BRAF: variants seen among roughly 807,000 people sequenced by gnomAD.
BRAF encodes the protein B-Raf proto-oncogene, serine/threonine kinase.
Under a neutral mutation model 104.6 loss-of-function variants are expected in BRAF, and 16 were observed. That is an observed-to-expected ratio of 0.15 (90% CI 0.10 to 0.23). The LOEUF (loss-of-function observed/expected upper bound fraction) is 0.23. Among genes scored for constraint, BRAF ranks in the 10% least tolerant of loss-of-function variants. The pLI, the probability that BRAF is intolerant of heterozygous loss-of-function variation, is 1.00. For synonymous variants in BRAF, 310 were observed against 341.6 expected (o/e 0.91, Z 1.02); for missense variants, 541 against 937.3 (o/e 0.58, Z 5.52).
chr7:140,800,562 A>T, intron 6 of BRAF, 81 bp from the exon 7 acceptor site: 2 of 1,600,382 alleles, frequency 1.2e-6, no homozygotes, highest in Non-Finnish European at 8.6e-7. Context: ...AACCAAAAAA[A>T]CTGAGATCAA....
intron 1 of BRAF, among the ~76,000 whole-genome samples, chr7:140,908,989 CTTTTTTTTT>C (rs1224922004): frequency 8.3e-6 from 1 of 120,186 alleles, no homozygotes; most frequent in Non-Finnish European, 1.8e-5. Flanking sequence ...TCTACGTTTT[CTTTTTTTTT>C]TTTTTTTTTT....
In BRAF at chr7:140,739,929, T is replaced by A. The variant is rs201793951; in HGVS notation, c.2130A>T (p.Gly710=). Residue 710 remains glycine (G), a synonymous_variant, in exon 18 of 20, where the codon GGA becomes GGT. Transcript: ENST00000644969. ...NNRDQIIFMV[G]RGYLSPDLSK... is the part of the protein sequence containing the mutation. ...TGAGATCTGGAGACAGGTATCCTCG[T>A]CCCACCATAAAAATTATCTGGAGAG... 5 of 1,613,688 alleles carry A rather than the reference T, an allele frequency of 3.1e-6. No individual in the cohort carries two copies. Among genetic ancestry groups the A allele is most frequent in the Non-Finnish European group, 4.2e-6 (5 of 1,179,852 alleles).
chr7:140,909,459 T>C (rs1202830808), intron 1 of BRAF, among the ~76,000 whole-genome samples: 2 of 152,136 alleles, frequency 1.3e-5, no homozygotes, highest in Non-Finnish European at 2.9e-5. Flanking sequence ...AGAGATAATC[T>C]ACCTTAGTGC....
intron 1 of BRAF, among the ~76,000 whole-genome samples, chr7:140,913,777 C>T (rs1174754970): frequency 6.6e-6 from 1 of 151,976 alleles, no homozygotes; most frequent in Admixed American, 6.6e-5. Context: ...CCACTGCGCC[C>T]GGCCAACCAC....
chr7:140,778,371 T>C (rs1800530607), intron 12 of BRAF, among the ~76,000 whole-genome samples: 1 of 152,174 alleles, frequency 6.6e-6, no homozygotes, highest in Admixed American at 6.5e-5. Flanking sequence ...TCCAAATTAT[T>C]TGACAATATT....
intron 1 of BRAF, among the ~76,000 whole-genome samples, chr7:140,909,023 GAATTTT>G (rs1816665584): frequency 7.6e-6 from 1 of 132,420 alleles, no homozygotes; most frequent in Non-Finnish European, 1.6e-5. Context: ...CTGTTTCCAA[GAATTTT>G]AATTGTTTTC....
At chr7:140,785,848 G>T in intron 9 of BRAF, 1 of 398,774 alleles carries the variant, frequency 2.5e-6, no homozygotes, top group South Asian at 1.3e-4. Context: ...AACACAGGAA[G>T]ACAGACACAC....
intron 17 of BRAF, among the ~76,000 whole-genome samples, chr7:140,747,824 T>C (rs1797476144): frequency 6.6e-6 from 1 of 152,178 alleles, no homozygotes; most frequent in Non-Finnish European, 1.5e-5. Context: ...ATTTCAGTGA[T>C]CTAGATCTAT....
intron 14 of BRAF, among the ~76,000 whole-genome samples, chr7:140,757,079 C>T (rs1439865146): frequency 6.6e-6 from 1 of 152,168 alleles, no homozygotes; most frequent in African/African-American, 2.4e-5. Flanking sequence ...ATTGTTATGG[C>T]AGCCAAAGTC....
intron 8 of BRAF, 109 bp downstream of exon 8, chr7:140,794,199 T>C: frequency 7.6e-7 from 1 of 1,313,634 alleles, no homozygotes; most frequent in Non-Finnish European, 1.1e-6. Context: ...TTAAAATAAC[T>C]GTGATAAATG....
intron 3 of BRAF, among the ~76,000 whole-genome samples, chr7:140,814,669 A>C (rs1804629141): frequency 1.4e-5 from 2 of 147,918 alleles, no homozygotes; most frequent in Non-Finnish European, 1.5e-5. Flanking sequence ...CATCTCAAAA[A>C]ATATATATAT....
rs141754114 is a variant in BRAF at position 140,777,173 on chromosome 7, T to C, written c.1638-85A>G. Reference sequence around the variant, plus strand: ...AAAGAGAACCAAAGTAGTCTGTCGGTAAAATGTTGTCAGAAAAAGCTTTTT... The same window carrying C: ...AAAGAGAACCAAAGTAGTCTGTCGGCAAAATGTTGTCAGAAAAAGCTTTTT... On this transcript the variant is annotated intron_variant, in intron 13 of 19. Coordinates refer to ENST00000644969, the MANE Select transcript of BRAF (RefSeq NM_001374258.1). The C allele has an allele frequency of 1.8e-5, 25 of 1,422,312 alleles. No homozygotes were observed. In the East Asian group the frequency reaches 5.8e-4, roughly 33 times the overall value. The allele number at this position is 1,422,312 out of a possible 1,614,324, so 88.1% of individuals were successfully genotyped here. A position where few individuals can be genotyped will look rare whatever the true frequency, so the allele number is the denominator to read the frequency against.
intron 14 of BRAF, among the ~76,000 whole-genome samples, chr7:140,769,959 T>C (rs924167521): frequency 6.6e-6 from 1 of 152,224 alleles, no homozygotes; most frequent in Non-Finnish European, 1.5e-5. Flanking sequence ...TTCTTGGGGT[T>C]AGAATAAGCA....
chr7:140,765,459 TA>T (rs1427737625), intron 14 of BRAF, among the ~76,000 whole-genome samples: 1 of 152,102 alleles, frequency 6.6e-6, no homozygotes, highest in African/African-American at 2.4e-5. Flanking sequence ...GGGATCTAAC[TA>T]AACTAAAGAG....
chr7:140,813,408 A>C (rs1464657295), intron 3 of BRAF, among the ~76,000 whole-genome samples: 1 of 152,240 alleles, frequency 6.6e-6, no homozygotes, highest in Non-Finnish European at 1.5e-5. Context: ...GTATGAAGCT[A>C]TAAACAGACA....
At chr7:140,759,424 T>A (rs1042066565) in intron 14 of BRAF, among the ~76,000 whole-genome samples, 6 of 152,222 alleles carry the variant, frequency 3.9e-5, no homozygotes, top group Non-Finnish European at 8.8e-5. Context: ...TTTGCCCTTG[T>A]CACCCAGGCT....
chr7:140,753,152 G>A (rs976668207), intron 16 of BRAF, 123 bp downstream of exon 15: 1 of 743,436 alleles, frequency 1.3e-6, no homozygotes, highest in Non-Finnish European at 2.3e-6. Flanking sequence ...TAAGAACACT[G>A]ATTTTTGTGA....
chr7:140,921,593 A>C (rs1818228226), intron 1 of BRAF, among the ~76,000 whole-genome samples: 1 of 152,154 alleles, frequency 6.6e-6, no homozygotes, highest in Non-Finnish European at 1.5e-5. Context: ...GTTTTTTAAA[A>C]TACAAAACTA....
At chr7:140,730,788 C>CT (rs1409790437) in intron 19 of BRAF, 1 of 151,224 alleles carries the variant, frequency 6.6e-6, no homozygotes, top group East Asian at 1.9e-4. Flanking sequence ...AAGCTAAAGA[C>CT]TTTATTAACT....
Sources: gnomAD v4.1 joint callset for allele counts (sites outside exome capture counted in the v4.1 genomes callset) on GRCh38, gnomAD v4.1.1 for gene constraint, MANE v1.5 for transcripts, NCBI Gene and HGNC (gene_info 2026-07-23, HGNC 2026-07-21) for gene names.